The following TRPA1 variants were observed in gnomAD, a reference collection of about 807,000 sequenced individuals.
TRPA1 encodes the protein transient receptor potential cation channel subfamily A member 1.
TRPA1 carries 129 observed loss-of-function variants against 131.3 expected under a neutral mutation model. The ratio of observed to expected loss-of-function variants is 0.98; its 90% CI spans 0.85 to 1.14. TRPA1 has a LOEUF of 1.14. TRPA1 is among the 50% of genes most tolerant of loss of function. TRPA1 has a pLI of 0.00. For missense variants in TRPA1, 1,304 were observed against 1,354.2 expected, an observed-to-expected ratio of 0.96 and a Z score of 0.58; for synonymous variants, 441 against 451.7, an observed-to-expected ratio of 0.98 and a Z score of 0.30.
intron 7 of TRPA1, among the ~76,000 whole-genome samples, chr8:72,061,145 TTTGGAAACTTGGTTA>T (rs2129436013): frequency 6.6e-6 from 1 of 152,374 alleles, no homozygotes; most frequent in Non-Finnish European, 1.5e-5. Flanking sequence ...TGTTATTGTT[TTTGGAAACTTGGTTA>T]TAATTTCCTA....
chr8:72,066,015 A>AT lies in TRPA1; in HGVS notation c.445-458dup, dbSNP rs995984870. 3.3e-5 allele frequency among the ~76,000 whole-genome samples: 5 copies of AT among 151,690 alleles called. No individual in the cohort carries two copies. The South Asian group carries it at 1.0e-3, about 32-fold the overall frequency. On this transcript the variant is annotated intron_variant, in intron 3 of 26. Transcript: ENST00000262209. ...AGGGAGGGAGAAAAAGCAGGAAGGG[A>AT]TTTTTTTTCTCCTCCAGTTATTTTT...
intron 9 of TRPA1, among the ~76,000 whole-genome samples, chr8:72,057,295 T>G (rs1805693323): frequency 1.3e-5 from 2 of 152,154 alleles, no homozygotes; most frequent in Non-Finnish European, 2.9e-5. Flanking sequence ...AATGTAAGTA[T>G]AGACACATTA....
intron 24 of TRPA1, among the ~76,000 whole-genome samples, chr8:72,028,585 A>G (rs763344200): frequency 1.3e-5 from 2 of 152,146 alleles, no homozygotes; most frequent in South Asian, 2.1e-4. Flanking sequence ...AAGTGTTCCA[A>G]TCGCTCTGTG....
At chr8:72,058,409 T>C (rs138991920) in intron 8 of TRPA1, among the ~76,000 whole-genome samples, 25 of 152,344 alleles carry the variant, frequency 1.6e-4, no homozygotes, top group African/African-American at 5.5e-4. Context: ...CATATTATAA[T>C]ATTTGATATG....
In TRPA1 at chr8:72,055,590, T is replaced by TA. The variant is rs1805645065; in HGVS notation, c.1374dup (p.Ile459TyrfsTer13). 6.2e-7 allele frequency: 1 copy of TA among 1,613,374 alleles called. No individual in the cohort carries two copies. The highest frequency in any genetic ancestry group is 1.3e-5 in the African/African-American group (1 of 74,898). On this transcript the variant is annotated frameshift_variant, in exon 12 of 27. Coordinates refer to ENST00000262209, the MANE Select transcript of TRPA1 (RefSeq NM_007332.3). LOFTEE classifies it high-confidence loss of function. Reference sequence around the variant, plus strand: ...TGTAGGAGCCTCTGACAGGTATTGATACGCCCATAACTTGGAAAAAATTAG... The same window carrying TA: ...TGTAGGAGCCTCTGACAGGTATTGATAACGCCCATAACTTGGAAAAAATTAG...
chr8:72,037,837 T>C lies in TRPA1; in HGVS notation c.2385+146A>G, dbSNP rs144206831. The C allele has an allele frequency of 2.1e-3, 1,320 of 630,850 alleles. 20 individuals are homozygous for C. Among genetic ancestry groups the C allele is most frequent in the African/African-American group, 0.02 (1,102 of 54,510 alleles). 39.1% of individuals were successfully genotyped at this position (630,850 alleles called of 1,614,324 possible). ...CATGTGATTTCTACATTTTGAAACA[T>C]TTATGCTTGGTGTTTCTAATCTATA... On this transcript the variant is annotated intron_variant, in intron 20 of 26. Coordinates refer to ENST00000262209, the MANE Select transcript of TRPA1 (RefSeq NM_007332.3).
intron 25 of TRPA1, among the ~76,000 whole-genome samples, chr8:72,024,129 A>G (rs1371187720): frequency 6.6e-6 from 1 of 152,234 alleles, no homozygotes; most frequent in African/African-American, 2.4e-5. Flanking sequence ...ATGTACAGAT[A>G]AAACAGAAGA....
At chr8:72,069,266 A>G (rs1806002110) in intron 2 of TRPA1, 68 bp from the exon 3 acceptor site, 14 of 1,485,968 alleles carry the variant, frequency 9.4e-6, no homozygotes, top group Non-Finnish European at 1.2e-5. Flanking sequence ...CTGAGTGCCT[A>G]TACACTATAA....
At chr8:72,073,646 C>T (rs187897777) in intron 1 of TRPA1, among the ~76,000 whole-genome samples, 61 of 152,264 alleles carry the variant, frequency 4.0e-4, no homozygotes, top group Non-Finnish European at 7.9e-4. Flanking sequence ...AGTTGCTCTA[C>T]GTAGATGATA....
At position 72,072,613 on chromosome 8, in the gene TRPA1, A is replaced by C. The variant is rs185522773; in HGVS notation, c.112-746T>G. On this transcript the variant is annotated intron_variant, in intron 1 of 26. Coordinates refer to ENST00000262209, the MANE Select transcript of TRPA1 (RefSeq NM_007332.3). ...CCAAATTTACACATATTCAGTAATAAATTTAAAATGGGCTTCTTGCAGAAA... is the reference window on the plus strand; with the variant it reads ...CCAAATTTACACATATTCAGTAATACATTTAAAATGGGCTTCTTGCAGAAA... Among the ~76,000 whole-genome samples, 4 of 152,332 alleles carry C rather than the reference A, an allele frequency of 2.6e-5. No individual in the cohort carries two copies. In the East Asian group the frequency reaches 7.7e-4, roughly 29 times the overall value.
intron 3 of TRPA1, among the ~76,000 whole-genome samples, chr8:72,066,779 T>C (rs1418698595): frequency 6.6e-6 from 1 of 152,146 alleles, no homozygotes; most frequent in Admixed American, 6.5e-5. Flanking sequence ...CTTAGAATCA[T>C]AGATCATAAA....
At chr8:72,054,630 T>C (rs1805614592) in intron 12 of TRPA1, 1 of 152,426 alleles carries the variant, frequency 6.6e-6, no homozygotes, top group African/African-American at 2.4e-5. Context: ...CTGGGTCTAC[T>C]TCGGTCCCCT....
upstream of TRPA1, among the ~76,000 whole-genome samples, chr8:72,075,934 G>A (rs1806175090): frequency 1.3e-5 from 2 of 151,654 alleles, no homozygotes; most frequent in Non-Finnish European, 1.5e-5. Flanking sequence ...GGTGTAAAGA[G>A]AGAGGAAGAG....
Position 72,055,481 on chromosome 8 carries a change from T to C in TRPA1, c.1484A>G (p.Asp495Gly), listed in dbSNP as rs756703385. ...TTTCAGAAGAAGCTGAACTACTTTA[T>C]CATGTCCATTCTTTGCTGCCAGATG... ...PLHLAAKNGH[D>G]KVVQLLLKKG... Residue 495 changes from aspartate to glycine, a missense_variant, in exon 12 of 27, where the codon GAT becomes GGT. Coordinates refer to ENST00000262209, the MANE Select transcript of TRPA1 (RefSeq NM_007332.3). 1.7e-5 allele frequency: 28 copies of C among 1,613,248 alleles called. No homozygotes were observed. The highest frequency in any genetic ancestry group is 2.2e-5 in the South Asian group (2 of 91,062).
intron 7 of TRPA1, among the ~76,000 whole-genome samples, chr8:72,060,120 G>GTTGCA (rs1224256377): frequency 6.6e-6 from 1 of 151,594 alleles, no homozygotes; most frequent in Non-Finnish European, 1.5e-5. Flanking sequence ...TTGACAAGAG[G>GTTGCA]TTGCATTATA....
chr8:72,053,027 G>GAGAGAGAGAT, intron 13 of TRPA1: 1 of 368,024 alleles, frequency 2.7e-6, no homozygotes, highest in Non-Finnish European at 5.1e-6. Context: ...GAGAGAGAGA[G>GAGAGAGAGAT]AGAGAGAGAG....
chr8:72,061,740 G>C lies in TRPA1; in HGVS notation c.829C>G (p.His277Asp). ...GTGGCTCCCTGGGTGGCAGCAAAAT[G>C]AATGGCTGTGCACCTTCCCTTCTGT... The part of the protein sequence containing the change: ...PVEKGRCTAI[H>D]FAATQGATEI... The change falls in exon 7 of 27, where the codon CAT becomes GAT. Residue 277 changes from histidine to aspartate, a missense_variant. By Grantham distance (81) the His-to-Asp change is moderately conservative. Transcript: ENST00000262209. The C allele has an allele frequency of 6.2e-7, 1 of 1,613,976 alleles. No homozygotes were observed. The highest frequency in any genetic ancestry group is 1.7e-5 in the Admixed American group (1 of 59,988).
intron 26 of TRPA1, 172 bp downstream of exon 26, chr8:72,023,642 T>C: frequency 1.8e-6 from 1 of 549,690 alleles, no homozygotes; most frequent in Non-Finnish European, 3.3e-6. Flanking sequence ...GTGGCAAATA[T>C]GTTGTTGGTT....
rs1805858805 is a variant in TRPA1 at position 72,063,520 on chromosome 8, T to C, written c.604A>G (p.Ile202Val). The part of the protein sequence containing the change: ...CKSNKWGCFP[I>V]HQAAFSGSKE... ...GAACCTGAAAATGCAGCTTGGTGAATAGGGAAACATCCCCATTTATTTGAT... is the reference window on the plus strand; with the variant it reads ...GAACCTGAAAATGCAGCTTGGTGAACAGGGAAACATCCCCATTTATTTGAT... The change falls in exon 5 of 27, where the codon ATT becomes GTT. Residue 202 changes from isoleucine (I) to valine (V), a missense_variant. By Grantham distance (29) the Ile-to-Val change is conservative. Coordinates refer to ENST00000262209, the MANE Select transcript of TRPA1 (RefSeq NM_007332.3). The C allele has an allele frequency of 1.2e-6, 2 of 1,613,790 alleles. No homozygotes were observed. Among genetic ancestry groups the C allele is most frequent in the South Asian group, 2.2e-5 (2 of 91,088 alleles).
Sources: allele counts gnomAD v4.1 joint callset (sites outside exome capture counted in the v4.1 genomes callset), GRCh38; gene constraint gnomAD v4.1.1; transcripts MANE v1.5; gene names NCBI Gene and HGNC (gene_info 2026-07-23, HGNC 2026-07-21).